ATOH8: variants seen among roughly 807,000 people sequenced by gnomAD.
ATOH8 encodes the protein atonal bHLH transcription factor 8.
Under a neutral mutation model 21.2 loss-of-function variants are expected in ATOH8, and 9 were observed. The ratio of observed to expected loss-of-function variants is 0.42; its 90% CI spans 0.26 to 0.74. The LOEUF (loss-of-function observed/expected upper bound fraction) is 0.74, where lower values mean the gene tolerates loss of function less well. ATOH8 is among the 30% of genes least tolerant of loss of function. ATOH8 has a pLI of 0.24. For synonymous variants in ATOH8, 253 were observed against 224.0 expected, an observed-to-expected ratio of 1.13 and a Z score of -1.16; for missense variants, 524 against 470.9, an observed-to-expected ratio of 1.11 and a Z score of -1.04.
At chr2:85,783,209 G>C (rs1394620222) in intron 2 of ATOH8, among the ~76,000 whole-genome samples, 1 of 152,188 alleles carries the variant, frequency 6.6e-6, no homozygotes, top group Non-Finnish European at 1.5e-5. Context: ...GCAGCTGAGA[G>C]GGACCTGTGA....
At position 85,763,987 on chromosome 2, in the gene ATOH8, T is replaced by A. The variant is rs1324299875; in HGVS notation, c.769-4T>A. On this transcript the variant is annotated splice_polypyrimidine_tract_variant and splice_region_variant and intron_variant, in intron 1 of 2. Transcript: ENST00000306279. ...CAGCCCCTCCTGACGCCTTCTCCCC[T>A]CAGGTGCCGTGCTACTCATATGGGC... The A allele has an allele frequency of 3.0e-5, 49 of 1,612,866 alleles. No individual in the cohort carries two copies. The highest frequency in any genetic ancestry group is 4.1e-5 in the Non-Finnish European group (48 of 1,179,418).
Position 85,764,023 on chromosome 2 carries a change from C to T in ATOH8, c.801C>T (p.Ser267=), listed in dbSNP as rs777112133. The change falls in exon 2 of 3, where the codon TCC becomes TCT. Residue 267 remains serine (S), a synonymous_variant. Transcript: ENST00000306279. ...VPCYSYGQKL[S]KLAILRIACN... ...GCTACTCATATGGGCAGAAGCTGTC[C>T]AAACTGGCCATCCTGAGGATCGCCT... The T allele has an allele frequency of 1.9e-6, 3 of 1,613,970 alleles. No individual in the cohort carries two copies. Among genetic ancestry groups the T allele is most frequent in the Admixed American group, 3.3e-5 (2 of 59,944 alleles).
chr2:85,789,223 C>T lies in ATOH8; in HGVS notation c.*2333C>T, dbSNP rs921026936. Among the ~76,000 whole-genome samples the T allele has an allele frequency of 3.3e-5, 5 of 152,194 alleles. No individual in the cohort carries two copies. ...CCATCCCCCTCCTGCATACATACTT[C>T]ATTACATGTTTCCCTTTCATTCTGA... On this transcript the variant is annotated 3_prime_UTR_variant, in exon 3 of 3. Coordinates refer to ENST00000306279, the MANE Select transcript of ATOH8 (RefSeq NM_032827.7).
chr2:85,757,382 T>C (rs989749390), intron 1 of ATOH8, among the ~76,000 whole-genome samples: 3 of 152,106 alleles, frequency 2.0e-5, no homozygotes, highest in Non-Finnish European at 4.4e-5. Context: ...CCGCACCCCC[T>C]CCCCGAATCC....
At chr2:85,765,754 C>T (rs1679997837) in intron 2 of ATOH8, among the ~76,000 whole-genome samples, 1 of 152,176 alleles carries the variant, frequency 6.6e-6, no homozygotes, top group African/African-American at 2.4e-5. Context: ...GGAGGTCCCG[C>T]CTTCCCGGGT....
chr2:85,778,384 C>T (rs931079769), intron 2 of ATOH8, among the ~76,000 whole-genome samples: 6 of 152,192 alleles, frequency 3.9e-5, no homozygotes, highest in Admixed American at 1.3e-4. Context: ...CTGGATCCCT[C>T]GGTGGCACCT....
Position 85,790,830 on chromosome 2 carries a change from G to A in ATOH8, c.*3940G>A, listed in dbSNP as rs868806615. ...GCGCTGTGGTCAGCCGTGGGAAGCC[G>A]GCGAGGGGACTGGAGTTGGGGCTAC... On this transcript the variant is annotated 3_prime_UTR_variant, in exon 3 of 3. Coordinates refer to ENST00000306279, the MANE Select transcript of ATOH8 (RefSeq NM_032827.7). Among the ~76,000 whole-genome samples the A allele has an allele frequency of 6.6e-6, 1 of 152,186 alleles. No individual in the cohort carries two copies. Among genetic ancestry groups the A allele is most frequent in the African/African-American group, 2.4e-5 (1 of 41,434 alleles).
intron 2 of ATOH8, among the ~76,000 whole-genome samples, chr2:85,772,426 G>A (rs1009088026): frequency 6.6e-6 from 1 of 151,940 alleles, no homozygotes; most frequent in Non-Finnish European, 1.5e-5. Flanking sequence ...CCTCCTGGCA[G>A]CCCCAGACTC....
chr2:85,757,867 A>G (rs918712514), intron 1 of ATOH8, among the ~76,000 whole-genome samples: 2 of 150,556 alleles, frequency 1.3e-5, no homozygotes, highest in East Asian at 1.9e-4. Context: ...CTCACTGCAA[A>G]CTCCACCTCC....
chr2:85,782,121 T>A (rs1680512658), intron 2 of ATOH8, among the ~76,000 whole-genome samples: 1 of 152,200 alleles, frequency 6.6e-6, no homozygotes, highest in South Asian at 2.1e-4. Context: ...CCATGCCATA[T>A]CTGCTCTTTT....
At chr2:85,761,849 C>A (rs564486264) in intron 1 of ATOH8, among the ~76,000 whole-genome samples, 1 of 152,192 alleles carries the variant, frequency 6.6e-6, no homozygotes, top group African/African-American at 2.4e-5. Context: ...TGGCTGGGAA[C>A]GAGCAAAGTG....
At chr2:85,778,018 C>T (rs964824312) in intron 2 of ATOH8, among the ~76,000 whole-genome samples, 2 of 152,204 alleles carry the variant, frequency 1.3e-5, no homozygotes, top group African/African-American at 2.4e-5. Context: ...TACCCCACCC[C>T]GATGGAGTCT....
In ATOH8 at chr2:85,781,160, ACTGT is replaced by A. The variant is rs1232409428; in HGVS notation, c.961-5724_961-5721del. 13 of 839,130 alleles carry A rather than the reference ACTGT, an allele frequency of 1.5e-5. No individual in the cohort carries two copies. The East Asian group carries it at 1.4e-3, about 88-fold the overall frequency. The allele number at this position is 839,130 out of a possible 1,614,324, so 52.0% of individuals were successfully genotyped here. ...AGCGTAATTCCACTTTTCGTAAAAT[ACTGT>A]ATGTGAGTACGCATATGCATGGGAA... is the stretch of plus-strand genomic sequence containing the variant. On this transcript the variant is annotated intron_variant, in intron 2 of 2. Coordinates refer to ENST00000306279, the MANE Select transcript of ATOH8 (RefSeq NM_032827.7).
chr2:85,756,833 C>G (rs1049897044), intron 1 of ATOH8, among the ~76,000 whole-genome samples: 2 of 152,146 alleles, frequency 1.3e-5, no homozygotes, highest in Non-Finnish European at 2.9e-5. Context: ...ATGTGCCACC[C>G]CCCCAGCCCC....
chr2:85,783,960 AG>A (rs1212515868), intron 2 of ATOH8, among the ~76,000 whole-genome samples: 1 of 152,016 alleles, frequency 6.6e-6, no homozygotes, highest in Non-Finnish European at 1.5e-5. Flanking sequence ...GACCTAGGCT[AG>A]ACCAATGGGC....
chr2:85,784,138 C>A (rs1455127206), intron 2 of ATOH8, among the ~76,000 whole-genome samples: 1 of 152,196 alleles, frequency 6.6e-6, no homozygotes, highest in Non-Finnish European at 1.5e-5. Context: ...TATCCTGAGA[C>A]CTTCCCCCTG....
intron 2 of ATOH8, chr2:85,772,821 C>T (rs1353898936): frequency 2.2e-6 from 1 of 455,488 alleles, no homozygotes; most frequent in Admixed American, 2.4e-5. Flanking sequence ...TATTTTTTTC[C>T]CGTTTTCTTT....
At chr2:85,761,933 A>G (rs189652564) in intron 1 of ATOH8, among the ~76,000 whole-genome samples, 77 of 152,206 alleles carry the variant, frequency 5.1e-4, no homozygotes, top group African/African-American at 1.7e-3. Flanking sequence ...GGGGTGAGGG[A>G]TGGAAATGCA....
At chr2:85,765,810 T>C (rs904882296) in intron 2 of ATOH8, among the ~76,000 whole-genome samples, 3 of 152,136 alleles carry the variant, frequency 2.0e-5, no homozygotes, top group African/African-American at 7.2e-5. Context: ...GCTGGATGCC[T>C]GGCTGGTGAG....
Sources: allele counts gnomAD v4.1 joint callset (sites outside exome capture counted in the v4.1 genomes callset), GRCh38; gene constraint gnomAD v4.1.1; transcripts MANE v1.5; gene names NCBI Gene and HGNC (gene_info 2026-07-23, HGNC 2026-07-21).